Variants in CYP7B1 observed in about 807,000 individuals in gnomAD.
CYP7B1 encodes cytochrome P450 family 7 subfamily B member 1.
CYP7B1 carries 29 observed loss-of-function variants against 42.7 expected under a neutral mutation model. That is an observed-to-expected ratio of 0.68 (90% confidence interval 0.51 to 0.93). CYP7B1 has a LOEUF of 0.93. Among genes scored for constraint, CYP7B1 ranks in the 40% least tolerant of loss-of-function variants. The pLI, the probability that CYP7B1 is intolerant of heterozygous loss-of-function variation, is 0.00. For missense variants in CYP7B1, 655 were observed against 600.5 expected (o/e 1.09, Z -0.95); for synonymous variants, 235 against 218.2 (o/e 1.08, Z -0.68).
intron 1 of CYP7B1, among the ~76,000 whole-genome samples, chr8:64,769,278 T>A (rs1804176172): frequency 6.6e-6 from 1 of 152,178 alleles, no homozygotes; most frequent in African/African-American, 2.4e-5. Context: ...AATATTTGAA[T>A]CTCTACTTTT....
intron 1 of CYP7B1, among the ~76,000 whole-genome samples, chr8:64,634,078 A>G (rs1805735048): frequency 6.6e-6 from 1 of 152,200 alleles, no homozygotes; most frequent in Non-Finnish European, 1.5e-5. Context: ...GATCTTTGAT[A>G]TCTTTTGATT....
At chr8:64,791,986 T>A (rs1326020581) in intron 1 of CYP7B1, among the ~76,000 whole-genome samples, 1 of 152,140 alleles carries the variant, frequency 6.6e-6, no homozygotes, top group African/African-American at 2.4e-5. Context: ...AAAAAATAGT[T>A]AAATCATCAA....
intron 1 of CYP7B1, among the ~76,000 whole-genome samples, chr8:64,669,646 C>T (rs1344373042): frequency 2.6e-5 from 4 of 151,824 alleles, no homozygotes; most frequent in Admixed American, 6.6e-5. Flanking sequence ...GACATCATTT[C>T]GTTTCAGTAA....
intron 1 of CYP7B1, among the ~76,000 whole-genome samples, chr8:64,727,776 C>T (rs1452392579): frequency 6.6e-6 from 1 of 152,118 alleles, no homozygotes; most frequent in Non-Finnish European, 1.5e-5. Context: ...GGGCAATGTG[C>T]TTGGACAATT....
At chr8:64,689,280 G>A (rs1228258784) in intron 1 of CYP7B1, among the ~76,000 whole-genome samples, 1 of 152,184 alleles carries the variant, frequency 6.6e-6, no homozygotes, top group Non-Finnish European at 1.5e-5. Context: ...TTTACTTAAA[G>A]AGGGAAGGGT....
intron 1 of CYP7B1, among the ~76,000 whole-genome samples, chr8:64,778,001 A>C (rs1804355365): frequency 6.6e-6 from 1 of 151,788 alleles, no homozygotes; most frequent in Non-Finnish European, 1.5e-5. Context: ...ATTATGCCAT[A>C]TACTATTGCC....
chr8:64,789,238 T>G (rs1291220071), intron 1 of CYP7B1, among the ~76,000 whole-genome samples: 7 of 151,568 alleles, frequency 4.6e-5, no homozygotes, highest in African/African-American at 1.5e-4. Context: ...ATACACTCAG[T>G]TTTTTTTTAA....
At chr8:64,648,459 T>C (rs1411029859) in intron 1 of CYP7B1, among the ~76,000 whole-genome samples, 1 of 152,200 alleles carries the variant, frequency 6.6e-6, no homozygotes, top group East Asian at 1.9e-4. Flanking sequence ...AAAATGCAGT[T>C]TCCACAATGG....
chr8:64,770,474 C>T (rs983144772), intron 1 of CYP7B1, among the ~76,000 whole-genome samples: 2 of 152,120 alleles, frequency 1.3e-5, no homozygotes, highest in African/African-American at 4.8e-5. Context: ...ATTCTCTGCC[C>T]TGTTATAAAT....
intron 1 of CYP7B1, among the ~76,000 whole-genome samples, chr8:64,742,641 C>G (rs760869957): frequency 6.6e-6 from 1 of 152,172 alleles, no homozygotes; most frequent in Non-Finnish European, 1.5e-5. Context: ...AGTCCAAGAT[C>G]AAGGTGTCAA....
intron 1 of CYP7B1, among the ~76,000 whole-genome samples, chr8:64,625,309 C>G (rs997197682): frequency 1.3e-5 from 2 of 152,106 alleles, no homozygotes; most frequent in African/African-American, 4.8e-5. Context: ...TCCTGGTGAG[C>G]AATTTTTTGA....
At chr8:64,742,732 A>G (rs10808740) in intron 1 of CYP7B1, among the ~76,000 whole-genome samples, 43,763 of 151,934 alleles carry the variant, frequency 0.29, 7,523 homozygotes, top group African/African-American at 0.48. Context: ...CCAGAGGCAC[A>G]CATCCCTTGT....
At chr8:64,736,431 A>T (rs1173699560) in intron 1 of CYP7B1, among the ~76,000 whole-genome samples, 2 of 152,108 alleles carry the variant, frequency 1.3e-5, no homozygotes, top group Non-Finnish European at 2.9e-5. Context: ...TTAGTCAAAA[A>T]CTAACCCAAC....
intron 1 of CYP7B1, among the ~76,000 whole-genome samples, chr8:64,720,451 T>C (rs1185113686): frequency 3.3e-5 from 5 of 152,168 alleles, no homozygotes; most frequent in Admixed American, 2.6e-4. Context: ...AAGCAAATAA[T>C]AATACTCTGA....
chr8:64,759,454 T>G lies in CYP7B1; in HGVS notation c.122+39012A>C, dbSNP rs143694201. Among the ~76,000 whole-genome samples, 316 of 152,328 alleles carry G rather than the reference T, an allele frequency of 2.1e-3. 1 individual carries two copies. The highest frequency in any genetic ancestry group is 6.5e-3 in the African/African-American group (272 of 41,576). On this transcript the variant is annotated intron_variant, in intron 1 of 5. Coordinates refer to ENST00000310193, the MANE Select transcript of CYP7B1 (RefSeq NM_004820.5). ...ACTATTTTGCAATAATAAATTCCCA[T>G]GTGTTCCCCTCTGTTGACTGCACAA...
chr8:64,623,889 C>G (rs546867973), intron 2 of CYP7B1, among the ~76,000 whole-genome samples: 16 of 152,056 alleles, frequency 1.1e-4, no homozygotes, highest in African/African-American at 3.9e-4. Context: ...CTACACAATA[C>G]AAAGAGTACA....
At chr8:64,784,625 A>G (rs187649222) in intron 1 of CYP7B1, among the ~76,000 whole-genome samples, 1 of 152,174 alleles carries the variant, frequency 6.6e-6, no homozygotes, top group Admixed American at 6.5e-5. Context: ...TAACAAAATG[A>G]GTAAGAGATG....
intron 1 of CYP7B1, among the ~76,000 whole-genome samples, chr8:64,785,268 T>A (rs1804503416): frequency 6.6e-6 from 1 of 152,198 alleles, no homozygotes; most frequent in Admixed American, 6.5e-5. Flanking sequence ...GACTGCAAAA[T>A]GGTACAGTCA....
chr8:64,698,437 A>G (rs1192700735), intron 1 of CYP7B1, among the ~76,000 whole-genome samples: 1 of 152,160 alleles, frequency 6.6e-6, no homozygotes, highest in Non-Finnish European at 1.5e-5. Flanking sequence ...AAAGAAGTTG[A>G]ATTCACCACG....
Sources: gnomAD v4.1 joint callset for allele counts (sites outside exome capture counted in the v4.1 genomes callset) on GRCh38, gnomAD v4.1.1 for gene constraint, MANE v1.5 for transcripts, NCBI Gene and HGNC (gene_info 2026-07-23, HGNC 2026-07-21) for gene names.